NRXN1: variants seen among roughly 807,000 people sequenced by gnomAD.
The protein encoded by NRXN1 is neurexin 1, also known as neurexin-1.
A neutral mutation model predicts 150.9 loss-of-function variants in NRXN1; 39 were observed. That is an observed-to-expected ratio of 0.26 (90% CI 0.20 to 0.34). The LOEUF is 0.34. Ranked by LOEUF, NRXN1 falls within the 10% of genes least tolerant of loss-of-function variation. The pLI, the probability that NRXN1 is intolerant of heterozygous loss-of-function variation, is 1.00. For missense variants in NRXN1, 1,815 were observed against 1,949.9 expected, an observed-to-expected ratio of 0.93 and a Z score of 1.30; for synonymous variants, 924 against 757.0, an observed-to-expected ratio of 1.22 and a Z score of -3.62.
At chr2:50,472,795 T>TTGTGTGTGTGTGTGTGTGTGTGTGTGTG (rs113192574) in intron 15 of NRXN1, among the ~76,000 whole-genome samples, 2 of 138,562 alleles carry the variant, frequency 1.4e-5, no homozygotes, top group Admixed American at 7.1e-5. Context: ...CCCTACAGCC[T>TTGTGTGTGTGTGTGTGTGTGTGTGTGTG]TGTGTGTGTG....
intron 17 of NRXN1, among the ~76,000 whole-genome samples, chr2:50,431,868 T>C (rs1189602727): frequency 2.0e-5 from 3 of 152,160 alleles, no homozygotes; most frequent in Non-Finnish European, 4.4e-5. Flanking sequence ...CCCTCACTTA[T>C]CATTGCTGTT....
intron 22 of NRXN1, among the ~76,000 whole-genome samples, chr2:49,924,769 G>GA (rs1668797951): frequency 6.6e-6 from 1 of 151,980 alleles, no homozygotes; most frequent in African/African-American, 2.4e-5. Flanking sequence ...ATATAACCTA[G>GA]AAAATCTCTA....
intron 2 of NRXN1, among the ~76,000 whole-genome samples, chr2:50,931,504 T>C (rs1211195587): frequency 6.6e-6 from 1 of 152,066 alleles, no homozygotes; most frequent in Admixed American, 6.6e-5. Flanking sequence ...TACATTCTTT[T>C]TATATCAAAG....
intron 17 of NRXN1, among the ~76,000 whole-genome samples, chr2:50,413,084 G>T (rs1271262019): frequency 6.6e-6 from 1 of 152,088 alleles, no homozygotes; most frequent in Non-Finnish European, 1.5e-5. Context: ...TGGGCAAATG[G>T]AATCACATCA....
At chr2:50,625,574 T>C (rs1680871029) in intron 5 of NRXN1, among the ~76,000 whole-genome samples, 1 of 152,050 alleles carries the variant, frequency 6.6e-6, no homozygotes, top group African/African-American at 2.4e-5. Flanking sequence ...AAAGTTATAG[T>C]CCAGGTGTCT....
chr2:50,420,313 C>T (rs551108682), intron 17 of NRXN1, among the ~76,000 whole-genome samples: 1 of 151,854 alleles, frequency 6.6e-6, no homozygotes. Flanking sequence ...ATTTTGATAT[C>T]TACACCAGCA....
At chr2:50,213,797 A>G (rs993840733) in intron 18 of NRXN1, among the ~76,000 whole-genome samples, 4 of 151,796 alleles carry the variant, frequency 2.6e-5, no homozygotes, top group Non-Finnish European at 4.4e-5. Flanking sequence ...AACTTTTTTC[A>G]TCAACTTCTT....
rs1670787176 is a variant in NRXN1 at position 51,027,765 on chromosome 2, G to A, written c.509C>T (p.Thr170Ile). ...PELRAAALKL[T>I]LASVREREPF... The stretch of plus-strand genomic sequence containing the variant: ...CTCCCGCTCCCTCACCGAGGCCAGG[G>A]TGAGCTTGAGCGCCGCGGCGCGCAG... The change falls in exon 2 of 23, where the codon ACC becomes ATC. Residue 170 changes from threonine (T) to isoleucine (I), a missense_variant. By Grantham distance (89) the Thr-to-Ile change is moderately conservative. Coordinates refer to ENST00000401669, the MANE Select transcript of NRXN1 (RefSeq NM_001330078.2). 1 of 1,612,384 alleles carries A rather than the reference G, an allele frequency of 6.2e-7. No homozygotes were observed. The highest frequency in any genetic ancestry group is 1.3e-5 in the African/African-American group (1 of 74,888).
chr2:50,954,745 C>A (rs1223127793), intron 2 of NRXN1, among the ~76,000 whole-genome samples: 1 of 152,146 alleles, frequency 6.6e-6, no homozygotes, highest in Non-Finnish European at 1.5e-5. Context: ...TGAATCAAGG[C>A]AGAGTTGGAG....
At chr2:49,975,200 C>T (rs1006517966) in intron 21 of NRXN1, among the ~76,000 whole-genome samples, 2 of 151,342 alleles carry the variant, frequency 1.3e-5, no homozygotes, top group Admixed American at 6.6e-5. Context: ...GACAGTATCA[C>T]GGAGATTTTT....
chr2:50,398,837 T>A (rs538337377), intron 17 of NRXN1, among the ~76,000 whole-genome samples: 1 of 152,286 alleles, frequency 6.6e-6, no homozygotes, highest in South Asian at 2.1e-4. Flanking sequence ...AGTGGTATGC[T>A]ATTTAATTAT....
chr2:50,680,203 C>G (rs1690174338), intron 5 of NRXN1, among the ~76,000 whole-genome samples: 1 of 151,930 alleles, frequency 6.6e-6, no homozygotes, highest in Non-Finnish European at 1.5e-5. Context: ...TTTAAATATA[C>G]AGATCACTCA....
At chr2:50,813,821 A>T (rs1668554312) in intron 5 of NRXN1, among the ~76,000 whole-genome samples, 1 of 152,212 alleles carries the variant, frequency 6.6e-6, no homozygotes, top group African/African-American at 2.4e-5. Context: ...ATGATGATTA[A>T]CATGGGGCCT....
intron 18 of NRXN1, among the ~76,000 whole-genome samples, chr2:50,218,451 C>A (rs1334429824): frequency 6.6e-6 from 1 of 150,930 alleles, no homozygotes; most frequent in Non-Finnish European, 1.5e-5. Context: ...TCACATTCTA[C>A]TGGAGATTTG....
rs532172202 is a variant in NRXN1, at chr2:50,920,879, A to G, written c.832+990T>C. Among the ~76,000 whole-genome samples the G allele has an allele frequency of 4.6e-5, 7 of 151,866 alleles. No homozygotes were observed. In the South Asian group the frequency reaches 1.5e-3, roughly 31 times the overall value. ...GCTCTATTTTACACATTTAAAATTG[A>G]TATCATTTCTTACATATTGCCTGGC... On this transcript the variant is annotated intron_variant, in intron 5 of 22. Coordinates refer to ENST00000401669, the MANE Select transcript of NRXN1 (RefSeq NM_001330078.2).
At chr2:50,394,897 C>T (rs6737555) in intron 17 of NRXN1, among the ~76,000 whole-genome samples, 3,179 of 152,100 alleles carry the variant, frequency 0.021, 115 homozygotes, top group African/African-American at 0.072. Flanking sequence ...CTTCAAACAT[C>T]TGCATTTGCT....
chr2:50,674,100 A>C (rs545762651), intron 5 of NRXN1, among the ~76,000 whole-genome samples: 1 of 152,096 alleles, frequency 6.6e-6, no homozygotes, highest in Non-Finnish European at 1.5e-5. Context: ...AGTATAATAA[A>C]AAAAAGGAAA....
At chr2:50,826,598 T>C (rs1670477375) in intron 5 of NRXN1, among the ~76,000 whole-genome samples, 1 of 152,172 alleles carries the variant, frequency 6.6e-6, no homozygotes, top group African/African-American at 2.4e-5. Flanking sequence ...GGGGTGATTA[T>C]GTATGTTTGT....
chr2:50,798,313 A>C (rs947692862), intron 5 of NRXN1, among the ~76,000 whole-genome samples: 2 of 152,212 alleles, frequency 1.3e-5, no homozygotes, highest in Admixed American at 1.3e-4. Flanking sequence ...ATTATTTTGT[A>C]TAATTAGAAA....
Sources: allele counts gnomAD v4.1 joint callset (sites outside exome capture counted in the v4.1 genomes callset), GRCh38; gene constraint gnomAD v4.1.1; transcripts MANE v1.5; gene names NCBI Gene and HGNC (gene_info 2026-07-23, HGNC 2026-07-21).